The following NSG1 variants were observed in gnomAD, a reference collection of about 807,000 sequenced individuals.
The protein encoded by NSG1 is neuronal vesicle trafficking associated 1.
A neutral mutation model predicts 19.3 loss-of-function variants in NSG1; 9 were observed. That is an observed-to-expected ratio of 0.47 (90% confidence interval 0.28 to 0.81). NSG1 has a LOEUF of 0.81. Among genes scored for constraint, NSG1 ranks in the 40% least tolerant of loss-of-function variants. The probability of loss-of-function intolerance (pLI) is 0.11; values close to 1 mark genes in which losing one functional copy is unlikely to be tolerated. For missense variants in NSG1, 236 were observed against 242.4 expected (o/e 0.97, Z 0.18); for synonymous variants, 104 against 107.0 (o/e 0.97, Z 0.17).
rs371837217 is a variant in NSG1 at position 4,409,656 on chromosome 4, C to T, written c.330C>T (p.Arg110=). The T allele has an allele frequency of 2.2e-5, 35 of 1,614,028 alleles. No homozygotes were observed. Among genetic ancestry groups the T allele is most frequent in the Non-Finnish European group, 2.5e-5 (29 of 1,179,996 alleles). ...TCTACAAGGTGTACAAGTATGACCG[C>T]GCCTGCCCCGATGGGTTCGTCCTCA... ...LVVYKVYKYD[R]ACPDGFVLKN... is the part of the protein sequence containing the mutation. Residue 110 remains arginine, a synonymous_variant, in exon 4 of 5, where the codon CGC becomes CGT. Transcript: ENST00000621129.
chr4:4,389,182 G>T (rs1163468755), intron 2 of NSG1, among the ~76,000 whole-genome samples: 1 of 152,252 alleles, frequency 6.6e-6, no homozygotes, highest in Non-Finnish European at 1.5e-5. Flanking sequence ...CTCCTCTCTT[G>T]TCCTCAGTCT....
intron 3 of NSG1, among the ~76,000 whole-genome samples, chr4:4,406,759 T>A (rs942784411): frequency 3.9e-5 from 6 of 152,148 alleles, no homozygotes; most frequent in African/African-American, 1.4e-4. Context: ...TGGAGCCAGG[T>A]GCCAGACTCC....
intron 3 of NSG1, 59 bp downstream of exon 3, chr4:4,391,650 C>T (rs1723002303): frequency 3.4e-6 from 4 of 1,168,604 alleles, no homozygotes; most frequent in Non-Finnish European, 2.5e-6. Context: ...GTCTGCTGAG[C>T]TGCATAGATG....
chr4:4,417,171 C>G, intron 4 of NSG1, 64 bp from the exon 5 acceptor site: 7 of 1,416,144 alleles, frequency 4.9e-6, no homozygotes, highest in Non-Finnish European at 7.0e-6. Context: ...TGGCTGCCAA[C>G]TGGAGACACA....
In NSG1 at chr4:4,418,037, A is replaced by G. The variant is rs1247923120; in HGVS notation, c.*602A>G. On this transcript the variant is annotated 3_prime_UTR_variant, in exon 5 of 5. Transcript: ENST00000621129. ...GTGGCAGGCTCGGTGTGGATTGACT[A>G]CTCCCTCCCCTCTGACTCTGGCATC... The G allele has an allele frequency of 6.5e-6, 1 of 153,790 alleles. No individual in the cohort carries two copies. Among genetic ancestry groups the G allele is most frequent in the Non-Finnish European group, 1.4e-5 (1 of 69,740 alleles). The allele number at this position is 153,790 out of a possible 1,614,324, so 9.5% of individuals were successfully genotyped here. A position where few individuals can be genotyped will look rare whatever the true frequency, so the allele number is the denominator to read the frequency against.
rs548437618 is a variant in NSG1, at chr4:4,409,496, G to A, written c.247-77G>A. ...TCTCTGCACATGCTGTGTGGGGGGGGGCCTTCGTGTGCGGGTGTGTGTGTG... is the reference window on the plus strand; with the variant it reads ...TCTCTGCACATGCTGTGTGGGGGGGAGCCTTCGTGTGCGGGTGTGTGTGTG... On this transcript the variant is annotated intron_variant, in intron 3 of 4. Transcript: ENST00000621129. The A allele has an allele frequency of 1.1e-5, 11 of 1,027,064 alleles. No homozygotes were observed. The South Asian group carries it at 1.2e-4, about 11-fold the overall frequency. The allele number at this position is 1,027,064 out of a possible 1,614,324, so 63.6% of individuals were successfully genotyped here. A position where few individuals can be genotyped will look rare whatever the true frequency, so the allele number is the denominator to read the frequency against.
chr4:4,409,705 G>T, intron 4 of NSG1, 22 bp downstream of exon 4: 1 of 1,584,636 alleles, frequency 6.3e-7, no homozygotes, highest in Non-Finnish European at 8.7e-7. Flanking sequence ...TTTTCCCCCA[G>T]AGGCCCTGGG....
At chr4:4,407,478 C>T (rs1352543027) in intron 3 of NSG1, among the ~76,000 whole-genome samples, 1 of 152,144 alleles carries the variant, frequency 6.6e-6, no homozygotes, top group Non-Finnish European at 1.5e-5. Flanking sequence ...TGGTGCTGCC[C>T]TTGTCCTGCC....
chr4:4,409,768 C>G, intron 4 of NSG1, 85 bp downstream of exon 4: 1 of 1,101,478 alleles, frequency 9.1e-7, no homozygotes, highest in South Asian at 1.3e-5. Context: ...CTCCTGCCGT[C>G]TCCCCCAGCT....
chr4:4,392,869 T>A (rs35430458), intron 3 of NSG1, among the ~76,000 whole-genome samples: 57,473 of 151,972 alleles, frequency 0.38, 11,103 homozygotes, highest in East Asian at 0.46. Flanking sequence ...TCCCTGCTGG[T>A]ATGTAAGGAT....
intron 3 of NSG1, among the ~76,000 whole-genome samples, chr4:4,404,772 A>T (rs990502029): frequency 1.3e-5 from 2 of 152,036 alleles, no homozygotes; most frequent in African/African-American, 4.8e-5. Context: ...CTTTTATTTC[A>T]CTTTAATTAG....
chr4:4,390,034 C>T (rs1476658542), intron 2 of NSG1, among the ~76,000 whole-genome samples: 3 of 152,148 alleles, frequency 2.0e-5, no homozygotes, highest in Admixed American at 6.5e-5. Flanking sequence ...GAATCCAGGT[C>T]GACAGAATAT....
rs183013524 is a variant in NSG1, at chr4:4,402,504, C to G, written c.247-7069C>G. Among the ~76,000 whole-genome samples the G allele has an allele frequency of 3.2e-4, 48 of 151,212 alleles. No individual in the cohort carries two copies. In the East Asian group the frequency reaches 9.2e-3, roughly 29 times the overall value. Reference sequence around the variant, plus strand: ...CCGGGTTCACGCCATTCTCCTGCCTCAGCCTCCCAAGTAGCTGGGACTACA... The same window carrying G: ...CCGGGTTCACGCCATTCTCCTGCCTGAGCCTCCCAAGTAGCTGGGACTACA... On this transcript the variant is annotated intron_variant, in intron 3 of 4. Coordinates refer to ENST00000621129, the MANE Select transcript of NSG1 (RefSeq NM_014392.5).
chr4:4,411,934 G>C (rs1277872203), intron 4 of NSG1, among the ~76,000 whole-genome samples: 2 of 152,004 alleles, frequency 1.3e-5, no homozygotes, highest in Admixed American at 1.3e-4. Context: ...TAACATACGC[G>C]TTTATTGTCA....
intron 2 of NSG1, among the ~76,000 whole-genome samples, chr4:4,387,982 A>T (rs1161403709): frequency 1.3e-5 from 2 of 150,094 alleles, no homozygotes; most frequent in Non-Finnish European, 3.0e-5. Flanking sequence ...TCTCGTCCTG[A>T]CAGTGGAACG....
chr4:4,417,678 A>C lies in NSG1; in HGVS notation c.*243A>C, dbSNP rs1724654653. 1 of 529,278 alleles carries C rather than the reference A, an allele frequency of 1.9e-6. No homozygotes were observed. The highest frequency in any genetic ancestry group is 3.4e-6 in the Non-Finnish European group (1 of 295,906). The allele number at this position is 529,278 out of a possible 1,614,324, so 32.8% of individuals were successfully genotyped here. Reference sequence around the variant, plus strand: ...ACTTTTCATGTTAAGATCTTCATTTAGCTCCTTTACTGGGATTTATTGGAT... The same window carrying C: ...ACTTTTCATGTTAAGATCTTCATTTCGCTCCTTTACTGGGATTTATTGGAT... On this transcript the variant is annotated 3_prime_UTR_variant, in exon 5 of 5. Coordinates refer to ENST00000621129, the MANE Select transcript of NSG1 (RefSeq NM_014392.5).
chr4:4,404,989 C>G (rs9993572), intron 3 of NSG1, among the ~76,000 whole-genome samples: 1 of 152,006 alleles, frequency 6.6e-6, no homozygotes, highest in Non-Finnish European at 1.5e-5. Context: ...CAGTCCTGAC[C>G]CCTGTGAAGT....
intron 3 of NSG1, among the ~76,000 whole-genome samples, chr4:4,405,417 G>T (rs769419870): frequency 6.6e-6 from 1 of 152,174 alleles, no homozygotes; most frequent in African/African-American, 2.4e-5. Context: ...GAGGGGCCCA[G>T]CGTGCTCTCA....
intron 4 of NSG1, 64 bp downstream of exon 4, chr4:4,409,747 A>T (rs905780318): frequency 1.7e-5 from 22 of 1,296,004 alleles, no homozygotes; most frequent in Non-Finnish European, 2.5e-5. Flanking sequence ...TCTCCCTTGA[A>T]CTCAAGGCTG....
Sources: allele counts gnomAD v4.1 joint callset (sites outside exome capture counted in the v4.1 genomes callset), GRCh38; gene constraint gnomAD v4.1.1; transcripts MANE v1.5; gene names NCBI Gene and HGNC (gene_info 2026-07-23, HGNC 2026-07-21).